TOP3A: variants seen among roughly 807,000 people sequenced by gnomAD.
TOP3A encodes the protein DNA topoisomerase 3-alpha.
TOP3A carries 64 observed loss-of-function variants against 111.3 expected under a neutral mutation model. The ratio of observed to expected loss-of-function variants is 0.57; its 90% CI spans 0.47 to 0.71. The LOEUF (loss-of-function observed/expected upper bound fraction) is 0.71, where lower values mean the gene tolerates loss of function less well. Among genes scored for constraint, TOP3A ranks in the 30% least tolerant of loss-of-function variants. The pLI, the probability that TOP3A is intolerant of heterozygous loss-of-function variation, is 0.00. For missense variants in TOP3A, 1,104 were observed against 1,285.0 expected, an observed-to-expected ratio of 0.86 and a Z score of 2.15; for synonymous variants, 484 against 485.1, an observed-to-expected ratio of 1.00 and a Z score of 0.03.
In TOP3A at chr17:18,292,991, C is replaced by G. The variant is rs1391624757; in HGVS notation, c.1074-139G>C. On this transcript the variant is annotated intron_variant, in intron 10 of 18. Coordinates refer to ENST00000321105, the MANE Select transcript of TOP3A (RefSeq NM_004618.5). ...AACTGAAGGCAGCCTACATTACCTG[C>G]TTCAGAAAAGTTCTGAGATGAGATG... is the stretch of plus-strand genomic sequence containing the variant. 6 of 802,158 alleles carry G rather than the reference C, an allele frequency of 7.5e-6. No homozygotes were observed. The Admixed American group carries it at 1.6e-4, about 22-fold the overall frequency. The allele number at this position is 802,158 out of a possible 1,614,324, so 49.7% of individuals were successfully genotyped here.
intron 16 of TOP3A, among the ~76,000 whole-genome samples, chr17:18,282,195 A>G (rs766134535): frequency 6.6e-6 from 1 of 152,220 alleles, no homozygotes; most frequent in Non-Finnish European, 1.5e-5. Context: ...GAACAAAAGT[A>G]GTATCTGCTG....
rs1218904960 is a variant in TOP3A, at chr17:18,304,459, G to T, written c.499+653C>A. On this transcript the variant is annotated intron_variant, in intron 5 of 18. Transcript: ENST00000321105. ...AGCTTTGAACACAAAACCACTAAAGGAAAGTAGCAACCCCACCCTCTGAGC... is the reference window on the plus strand; with the variant it reads ...AGCTTTGAACACAAAACCACTAAAGTAAAGTAGCAACCCCACCCTCTGAGC... Among the ~76,000 whole-genome samples, 5 of 152,086 alleles carry T rather than the reference G, an allele frequency of 3.3e-5. No homozygotes were observed. In the East Asian group the frequency reaches 7.7e-4, roughly 23 times the overall value.
intron 8 of TOP3A, 86 bp from the exon 9 acceptor site, chr17:18,299,719 T>G: frequency 7.8e-7 from 1 of 1,274,204 alleles, no homozygotes; most frequent in Non-Finnish European, 1.1e-6. Flanking sequence ...CCAATCCTTC[T>G]AGATCACACT....
intron 17 of TOP3A, 42 bp from the exon 18 acceptor site, chr17:18,278,399 T>A: frequency 6.7e-7 from 1 of 1,486,582 alleles, no homozygotes; most frequent in Non-Finnish European, 9.0e-7. Context: ...AACAACCAGA[T>A]GCCAGCTTCT....
chr17:18,302,795 C>A, intron 5 of TOP3A, 72 bp from the exon 6 acceptor site: 1 of 1,534,762 alleles, frequency 6.5e-7, no homozygotes, highest in Non-Finnish European at 8.8e-7. Flanking sequence ...ACTCACTTTT[C>A]TTAAAGCCCC....
At chr17:18,283,476 G>A (rs1979896922) in intron 15 of TOP3A, among the ~76,000 whole-genome samples, 1 of 152,064 alleles carries the variant, frequency 6.6e-6, no homozygotes, top group Non-Finnish European at 1.5e-5. Context: ...CTGGCATGGG[G>A]TACTCTAAAG....
At chr17:18,311,682 C>T (rs1477763106) in intron 1 of TOP3A, among the ~76,000 whole-genome samples, 1 of 152,228 alleles carries the variant, frequency 6.6e-6, no homozygotes. Flanking sequence ...TAATCACTGT[C>T]CTTTGGAGTT....
At chr17:18,308,634 C>T in intron 2 of TOP3A, 1 of 479,518 alleles carries the variant, frequency 2.1e-6, no homozygotes, top group Non-Finnish European at 3.7e-6. Context: ...ACGCCTCTTG[C>T]ATCAGTTAAA....
chr17:18,313,206 T>G (rs1173963898), intron 1 of TOP3A: 1 of 153,440 alleles, frequency 6.5e-6, no homozygotes, highest in East Asian at 1.9e-4. Flanking sequence ...TTCGTGAGAA[T>G]GCATACTGTT....
At chr17:18,292,982 C>T (rs1431001163) in intron 10 of TOP3A, 130 bp from the exon 11 acceptor site, 1 of 850,874 alleles carries the variant, frequency 1.2e-6, no homozygotes, top group African/African-American at 1.7e-5. Flanking sequence ...AGGCAGCCTA[C>T]ATTACCTGCT....
intron 11 of TOP3A, among the ~76,000 whole-genome samples, chr17:18,291,734 G>A (rs569374302): frequency 1.4e-5 from 2 of 146,394 alleles, no homozygotes; most frequent in South Asian, 2.2e-4. Context: ...TTTTTTTTCC[G>A]AGACAGAGTC....
chr17:18,300,936 G>C (rs1392234571), intron 8 of TOP3A, among the ~76,000 whole-genome samples: 1 of 152,176 alleles, frequency 6.6e-6, no homozygotes, highest in Non-Finnish European at 1.5e-5. Context: ...TGTGGGTTAA[G>C]TCTCTTCACT....
At chr17:18,305,486 A>ACACACACGCGTG (rs1164323613) in intron 4 of TOP3A, among the ~76,000 whole-genome samples, 1 of 149,414 alleles carries the variant, frequency 6.7e-6, no homozygotes, top group African/African-American at 2.5e-5. Flanking sequence ...ACACACACAC[A>ACACACACGCGTG]CGCGCGCGCG....
At chr17:18,314,130 G>A (rs993618639) in intron 1 of TOP3A, among the ~76,000 whole-genome samples, 1 of 152,168 alleles carries the variant, frequency 6.6e-6, no homozygotes, top group Admixed American at 6.5e-5. Flanking sequence ...AAGTCACAAG[G>A]GCTGTAGAAT....
chr17:18,299,805 G>A (rs1028178620), intron 8 of TOP3A, among the ~76,000 whole-genome samples, 172 bp from the exon 9 acceptor site: 2 of 152,144 alleles, frequency 1.3e-5, no homozygotes, highest in Non-Finnish European at 2.9e-5. Flanking sequence ...TGACAGTATG[G>A]TAGACACCAT....
chr17:18,285,812 T>C (rs904410015), intron 13 of TOP3A, among the ~76,000 whole-genome samples: 2 of 152,202 alleles, frequency 1.3e-5, no homozygotes, highest in Non-Finnish European at 2.9e-5. Flanking sequence ...TGTGTCCCTA[T>C]TTCTAGTCTC....
chr17:18,299,765 A>T, intron 8 of TOP3A, 132 bp from the exon 9 acceptor site: 2 of 787,840 alleles, frequency 2.5e-6, no homozygotes, highest in Admixed American at 1.9e-5. Flanking sequence ...GACAGCCTAG[A>T]AGAGTGCCCC....
At position 18,314,676 on chromosome 17, in the gene TOP3A, T is replaced by G; in HGVS notation, c.103A>C (p.Lys35Gln). Residue 35 changes from lysine to glutamine, a missense_variant, in exon 1 of 19, where the codon AAA (lysine) becomes CAA (glutamine). Physicochemically the swap from Lys to Gln is moderately conservative, Grantham distance 53. Transcript: ENST00000321105. Reference sequence around the variant, plus strand: ...TTTTTTTCGGCCACACAGAGGACTTTCCGCACGCCTCGGAGGGCCATCTCC... The same window carrying G: ...TTTTTTTCGGCCACACAGAGGACTTGCCGCACGCCTCGGAGGGCCATCTCC... ...AMEMALRGVR[K>Q]VLCVAEKNDA... 2 of 1,613,242 alleles carry G rather than the reference T, an allele frequency of 1.2e-6. No homozygotes were observed. The highest frequency in any genetic ancestry group is 2.2e-5 in the South Asian group (2 of 90,924).
chr17:18,296,504 C>T (rs536528768), intron 9 of TOP3A, among the ~76,000 whole-genome samples: 7 of 152,008 alleles, frequency 4.6e-5, no homozygotes, highest in Admixed American at 2.0e-4. Flanking sequence ...CGCTTGAGCC[C>T]GGGAGACGGA....
Sources: allele counts gnomAD v4.1 joint callset (sites outside exome capture counted in the v4.1 genomes callset), GRCh38; gene constraint gnomAD v4.1.1; transcripts MANE v1.5; gene names NCBI Gene and HGNC (gene_info 2026-07-23, HGNC 2026-07-21).